The following PDE4D variants were observed in gnomAD, a reference collection of about 807,000 sequenced individuals.
The protein encoded by PDE4D is 3',5'-cyclic-AMP phosphodiesterase 4D.
Under a neutral mutation model 87.4 loss-of-function variants are expected in PDE4D, and 24 were observed. The ratio of observed to expected loss-of-function variants is 0.27; its 90% CI spans 0.20 to 0.39. The LOEUF (loss-of-function observed/expected upper bound fraction) is 0.39. Among genes scored for constraint, PDE4D ranks in the 10% least tolerant of loss-of-function variants. The pLI is 1.00. For synonymous variants in PDE4D, 384 were observed against 383.2 expected, an observed-to-expected ratio of 1.00 and a Z score of -0.02; for missense variants, 714 against 1,041.0, an observed-to-expected ratio of 0.69 and a Z score of 4.32.
chr5:59,424,587 A>G (rs1794930376), intron 1 of PDE4D, among the ~76,000 whole-genome samples: 3 of 152,274 alleles, frequency 2.0e-5, no homozygotes, highest in African/African-American at 4.8e-5. Flanking sequence ...AAGAGTGCCA[A>G]CAGGGGAAAT....
chr5:60,473,097 GAA>G (rs1163485967), intron 1 of PDE4D, among the ~76,000 whole-genome samples: 2 of 75,502 alleles, frequency 2.6e-5, no homozygotes, highest in African/African-American at 2.2e-4. Flanking sequence ...AGAGATGAAA[GAA>G]AGAAAGAAAG....
chr5:59,857,471 T>C lies in PDE4D; in HGVS notation c.455+35697A>G, dbSNP rs1021668849. 3.3e-5 allele frequency among the ~76,000 whole-genome samples: 5 copies of C among 152,272 alleles called. No individual in the cohort carries two copies. The South Asian group carries it at 6.2e-4, about 19-fold the overall frequency. On this transcript the variant is annotated intron_variant, in intron 1 of 14. Transcript: ENST00000340635. ...AAATATATGAAAAAGAATACTTGAA[T>C]TTTTTCACCTCAAATTTCATCTCTG...
Position 59,402,697 on chromosome 5 carries a change from C to A in PDE4D, c.456-186729G>T, listed in dbSNP as rs192995335. On this transcript the variant is annotated intron_variant, in intron 1 of 14. Transcript: ENST00000340635. ...ACAAAATAATTATTAAACTAACCCA[C>A]ACACCCCAAATTGTATGCACAGGGC... Among the ~76,000 whole-genome samples, 525 of 152,266 alleles carry A rather than the reference C, an allele frequency of 3.4e-3. 3 individuals are homozygous for A. The highest frequency in any genetic ancestry group is 0.012 in the African/African-American group (503 of 41,556).
chr5:59,078,621 A>G (rs980019017), intron 5 of PDE4D, among the ~76,000 whole-genome samples: 7 of 150,908 alleles, frequency 4.6e-5, no homozygotes, highest in African/African-American at 1.7e-4. Flanking sequence ...TGATTCTCCC[A>G]CCTCAGCTTC....
chr5:59,709,813 G>A (rs73758863), intron 1 of PDE4D, among the ~76,000 whole-genome samples: 1,635 of 152,234 alleles, frequency 0.011, 23 homozygotes, highest in African/African-American at 0.038. Flanking sequence ...CCTACAACCA[G>A]TTTTCAAAAA....
intron 1 of PDE4D, among the ~76,000 whole-genome samples, chr5:59,312,138 G>A (rs1366282833): frequency 3.9e-5 from 6 of 152,104 alleles, no homozygotes; most frequent in Admixed American, 6.5e-5. Flanking sequence ...AACTGAACTC[G>A]TCCAGGTCCA....
At chr5:59,998,372 T>C (rs554600978) in intron 2 of PDE4D, among the ~76,000 whole-genome samples, 1 of 152,246 alleles carries the variant, frequency 6.6e-6, no homozygotes, top group South Asian at 2.1e-4. Flanking sequence ...AAAATAAGAA[T>C]AGTCAGGTAA....
At chr5:59,675,539 T>C (rs1747929886) in intron 1 of PDE4D, among the ~76,000 whole-genome samples, 1 of 152,200 alleles carries the variant, frequency 6.6e-6, no homozygotes, top group South Asian at 2.1e-4. Flanking sequence ...AAATCCTAAC[T>C]CTTCTACTTT....
At chr5:59,173,477 T>A (rs1783336004) in intron 5 of PDE4D, among the ~76,000 whole-genome samples, 1 of 152,226 alleles carries the variant, frequency 6.6e-6, no homozygotes, top group Non-Finnish European at 1.5e-5. Flanking sequence ...TTCAATGTTT[T>A]TACCGGAAGA....
chr5:60,450,800 T>A (rs1746040301), intron 1 of PDE4D, among the ~76,000 whole-genome samples: 1 of 152,068 alleles, frequency 6.6e-6, no homozygotes, highest in Admixed American at 6.6e-5. Context: ...GAAAATAGGA[T>A]GAACCAATGA....
At chr5:59,288,602 GT>G (rs1767437353) in intron 1 of PDE4D, among the ~76,000 whole-genome samples, 1 of 151,820 alleles carries the variant, frequency 6.6e-6, no homozygotes, top group African/African-American at 2.4e-5. Context: ...GTATAATAAG[GT>G]TATAGAACAC....
chr5:59,778,762 C>T (rs866849566), intron 1 of PDE4D, among the ~76,000 whole-genome samples: 7 of 152,096 alleles, frequency 4.6e-5, no homozygotes, highest in Non-Finnish European at 8.8e-5. Flanking sequence ...ATGATTTTGC[C>T]GTTTGTTTTA....
chr5:59,941,659 C>G (rs1214792679), intron 3 of PDE4D, among the ~76,000 whole-genome samples: 1 of 152,216 alleles, frequency 6.6e-6, no homozygotes, highest in Admixed American at 6.5e-5. Context: ...CCATGTTTCT[C>G]AAGATGGAGG....
intron 1 of PDE4D, among the ~76,000 whole-genome samples, chr5:60,437,211 T>C (rs1744831034): frequency 6.6e-6 from 1 of 152,114 alleles, no homozygotes; most frequent in Non-Finnish European, 1.5e-5. Context: ...CAATAAACAC[T>C]GGTTGGGCAC....
intron 1 of PDE4D, among the ~76,000 whole-genome samples, chr5:60,219,519 C>A (rs950998948): frequency 6.6e-6 from 1 of 152,128 alleles, no homozygotes; most frequent in Non-Finnish European, 1.5e-5. Context: ...TGGGATACAC[C>A]TAAGTTACCT....
intron 1 of PDE4D, among the ~76,000 whole-genome samples, chr5:60,253,304 C>T (rs987828184): frequency 6.6e-6 from 1 of 151,858 alleles, no homozygotes; most frequent in Non-Finnish European, 1.5e-5. Flanking sequence ...TAGGGTTCCA[C>T]AAATATGAAA....
At chr5:59,551,866 A>T (rs1176788584) in intron 1 of PDE4D, among the ~76,000 whole-genome samples, 2 of 152,124 alleles carry the variant, frequency 1.3e-5, no homozygotes, top group African/African-American at 4.8e-5. Flanking sequence ...ATTTCTTATT[A>T]TTTTCACTCA....
intron 2 of PDE4D, among the ~76,000 whole-genome samples, chr5:60,063,121 A>G (rs1485888464): frequency 1.3e-5 from 2 of 149,544 alleles, no homozygotes; most frequent in Admixed American, 6.7e-5. Flanking sequence ...AAAGAAAGAA[A>G]GAAAGAAAGA....
intron 5 of PDE4D, among the ~76,000 whole-genome samples, chr5:59,118,087 G>T (rs925558615): frequency 2.6e-5 from 4 of 152,098 alleles, no homozygotes; most frequent in African/African-American, 4.8e-5. Flanking sequence ...TCTTCATGGT[G>T]CCCGGCACAG....
Sources: gnomAD v4.1 joint callset for allele counts (sites outside exome capture counted in the v4.1 genomes callset) on GRCh38, gnomAD v4.1.1 for gene constraint, MANE v1.5 for transcripts, NCBI Gene and HGNC (gene_info 2026-07-23, HGNC 2026-07-21) for gene names.